PFKFB3: variants seen among roughly 807,000 people sequenced by gnomAD.
PFKFB3 encodes the protein 6-phosphofructo-2-kinase/fructose-2,6-bisphosphatase 3.
In PFKFB3, 33 loss-of-function variants were observed where a neutral mutation model predicts 68.0. The ratio of observed to expected loss-of-function variants is 0.49; its 90% CI spans 0.37 to 0.65. The LOEUF (loss-of-function observed/expected upper bound fraction) is 0.65, where lower values mean the gene tolerates loss of function less well. Ranked by LOEUF, PFKFB3 falls within the 30% of genes least tolerant of loss-of-function variation. The pLI is 0.00. For synonymous variants in PFKFB3, 315 were observed against 288.2 expected, an observed-to-expected ratio of 1.09 and a Z score of -0.94; for missense variants, 586 against 712.2, an observed-to-expected ratio of 0.82 and a Z score of 2.02.
chr10:6,258,821 G>A (rs1846512766), downstream of PFKFB3, among the ~76,000 whole-genome samples: 2 of 152,166 alleles, frequency 1.3e-5, no homozygotes, highest in Non-Finnish European at 2.9e-5. Context: ...TTGGTGGTAG[G>A]TTAGAGATCC....
intron 6 of PFKFB3, among the ~76,000 whole-genome samples, chr10:6,218,688 C>T (rs945283262): frequency 1.3e-5 from 2 of 152,162 alleles, no homozygotes; most frequent in African/African-American, 4.8e-5. Flanking sequence ...TTGCCTTGGC[C>T]TCCCAAAGTG....
At chr10:6,184,180 G>A (rs1021714346) in intron 1 of PFKFB3, among the ~76,000 whole-genome samples, 12 of 151,856 alleles carry the variant, frequency 7.9e-5, no homozygotes, top group Non-Finnish European at 1.8e-4. Flanking sequence ...AGCCTCCCGA[G>A]TAGCTGGGGT....
At chr10:6,248,721 G>A (rs1330646924) in intron 14 of PFKFB3, among the ~76,000 whole-genome samples, 1 of 149,370 alleles carries the variant, frequency 6.7e-6, no homozygotes, top group Non-Finnish European at 1.5e-5. Flanking sequence ...ATAAAAATAT[G>A]TTCAATATTA....
chr10:6,215,016 T>C lies in PFKFB3; in HGVS notation c.203-205T>C, dbSNP rs1002741080. Among the ~76,000 whole-genome samples, 1 of 152,188 alleles carries C rather than the reference T, an allele frequency of 6.6e-6. No homozygotes were observed. Among genetic ancestry groups the C allele is most frequent in the African/African-American group, 2.4e-5 (1 of 41,446 alleles). Reference sequence around the variant, plus strand: ...TGCGGCAGGGGCATTGCAGCTGGACTGGGGAAGCCGGGCAGCCTGTGCCCT... The same window carrying C: ...TGCGGCAGGGGCATTGCAGCTGGACCGGGGAAGCCGGGCAGCCTGTGCCCT... On this transcript the variant is annotated intron_variant, in intron 2 of 14. Transcript: ENST00000379775. The surrounding 1 kb of genome is among the most constrained non-coding windows in gnomAD (Gnocchi z 4.3).
chr10:6,303,470 A>T, the PFKFB3 span, among the ~76,000 whole-genome samples: 14 of 152,216 alleles, frequency 9.2e-5, no homozygotes, highest in African/African-American at 3.4e-4. Flanking sequence ...TCCAGTTTAA[A>T]AAAAAATGAC....
At chr10:6,245,316 C>G (rs529295459) in intron 14 of PFKFB3, among the ~76,000 whole-genome samples, 2 of 152,024 alleles carry the variant, frequency 1.3e-5, no homozygotes, top group Non-Finnish European at 2.9e-5. Context: ...AGACTGGTCT[C>G]GAACTCCTGA....
At chr10:6,183,674 AAGC>A (rs1564604171) in intron 1 of PFKFB3, among the ~76,000 whole-genome samples, 1 of 148,894 alleles carries the variant, frequency 6.7e-6, no homozygotes, top group Non-Finnish European at 1.5e-5. Flanking sequence ...ATAGTTTTGA[AAGC>A]AGGAATTTTT....
At chr10:6,144,982 G>C in exon 1 of PFKFB3, 1 of 1,300,484 alleles carries the variant, frequency 7.7e-7, no homozygotes, top group South Asian at 2.2e-5. Flanking sequence ...GCCCCGCGGG[G>C]AGCGCCCCCG....
chr10:6,216,816 G>A lies in PFKFB3; in HGVS notation c.441+36G>A, dbSNP rs186534992. ...CGTCTTGTGTTGTGCTAGAGGGCTC[G>A]GGAGAGAGGAAAAGGCTTCAGGAAG... On this transcript the variant is annotated intron_variant, in intron 5 of 14. Coordinates refer to ENST00000379775, the MANE Select transcript of PFKFB3 (RefSeq NM_004566.4). 108 of 1,521,210 alleles carry A rather than the reference G, an allele frequency of 7.1e-5. No homozygotes were observed. In the African/African-American group the frequency reaches 1.2e-3, roughly 16 times the overall value. The allele number at this position is 1,521,210 out of a possible 1,614,324, so 94.2% of individuals were successfully genotyped here.
intron 8 of PFKFB3, among the ~76,000 whole-genome samples, chr10:6,221,111 TTGTA>T (rs1390774416): frequency 7.9e-5 from 12 of 152,050 alleles, no homozygotes; most frequent in Non-Finnish European, 1.2e-4. Context: ...TTGTGTTACT[TTGTA>T]TGTGTTTGTA....
At chr10:6,216,329 C>G in intron 4 of PFKFB3, 138 bp downstream of exon 4, 5 of 828,804 alleles carry the variant, frequency 6.0e-6, no homozygotes, top group South Asian at 5.8e-5. Context: ...CCCAATGGCT[C>G]AGGAAGGAGG....
chr10:6,281,727 T>A, the PFKFB3 span, among the ~76,000 whole-genome samples: 1 of 152,144 alleles, frequency 6.6e-6, no homozygotes, highest in Non-Finnish European at 1.5e-5. Context: ...TAAAGTTTCC[T>A]TAATCTCCCT....
the PFKFB3 span, among the ~76,000 whole-genome samples, chr10:6,262,176 C>T: frequency 1.2e-4 from 18 of 151,900 alleles, no homozygotes; most frequent in South Asian, 8.4e-4. Context: ...AGCTGTTGGC[C>T]GGGCGTGGTG....
Position 6,202,995 on chromosome 10 carries a change from C to G in PFKFB3, c.-266C>G, listed in dbSNP as rs925358260. 7.6e-7 allele frequency: 1 copy of G among 1,322,072 alleles called. No individual in the cohort carries two copies. The highest frequency in any genetic ancestry group is 9.6e-7 in the Non-Finnish European group (1 of 1,038,740). 81.9% of individuals were successfully genotyped at this position (1,322,072 alleles called of 1,614,324 possible). A position where few individuals can be genotyped will look rare whatever the true frequency, so the allele number is the denominator to read the frequency against. On this transcript the variant is annotated 5_prime_UTR_variant, in exon 1 of 15. Transcript: ENST00000379775. ...GCGAGAGCGCGGCTGTCACTGCGCC[C>G]GAGCATCCCAGAGCTTTCCGAGCGG...
At chr10:6,309,038 A>G in the PFKFB3 span, among the ~76,000 whole-genome samples, 2 of 152,022 alleles carry the variant, frequency 1.3e-5, no homozygotes, top group Non-Finnish European at 2.9e-5. Context: ...CTGCACAAAT[A>G]AAAAAAAGAG....
At chr10:6,197,093 T>C (rs891348851) in intron 1 of PFKFB3, among the ~76,000 whole-genome samples, 1 of 151,506 alleles carries the variant, frequency 6.6e-6, no homozygotes, top group African/African-American at 2.4e-5. Context: ...CAAGCGATTG[T>C]CCTGCCTCAG....
At chr10:6,251,708 T>C (rs1420054173) in intron 14 of PFKFB3, among the ~76,000 whole-genome samples, 3 of 152,198 alleles carry the variant, frequency 2.0e-5, no homozygotes, top group African/African-American at 7.2e-5. Context: ...CAGTGGCTCA[T>C]GCCTGTAATC....
the PFKFB3 span, among the ~76,000 whole-genome samples, chr10:6,314,012 G>A: frequency 2.6e-5 from 4 of 152,320 alleles, no homozygotes; most frequent in East Asian, 1.9e-4. Flanking sequence ...AATGGGACGC[G>A]AAATCCAGAC....
chr10:6,264,499 G>GT, the PFKFB3 span, among the ~76,000 whole-genome samples: 1 of 151,864 alleles, frequency 6.6e-6, no homozygotes, highest in Non-Finnish European at 1.5e-5. Flanking sequence ...TATATTTAGG[G>GT]TTTTTTGTTT....
Sources: gnomAD v4.1 joint callset for allele counts (sites outside exome capture counted in the v4.1 genomes callset) on GRCh38, gnomAD v4.1.1 for gene constraint, Gnocchi (gnomAD v3.1) non-coding constraint, MANE v1.5 for transcripts, NCBI Gene and HGNC (gene_info 2026-07-23, HGNC 2026-07-21) for gene names.